The following UBASH3B variants were observed in gnomAD, a reference collection of about 807,000 sequenced individuals.
The protein encoded by UBASH3B is ubiquitin-associated and SH3 domain-containing protein B.
UBASH3B carries 37 observed loss-of-function variants against 83.4 expected under a neutral mutation model. The observed-to-expected ratio is 0.44, with a 90% CI of 0.34 to 0.58. The LOEUF (loss-of-function observed/expected upper bound fraction) is 0.58, where lower values mean the gene tolerates loss of function less well. UBASH3B is among the 20% of genes least tolerant of loss of function. The pLI, the probability that UBASH3B is intolerant of heterozygous loss-of-function variation, is 0.01. For missense variants in UBASH3B, 657 were observed against 827.2 expected, an observed-to-expected ratio of 0.79 and a Z score of 2.52; for synonymous variants, 304 against 318.3, an observed-to-expected ratio of 0.96 and a Z score of 0.48.
intron 13 of UBASH3B, among the ~76,000 whole-genome samples, chr11:122,808,570 C>T (rs1207545151): frequency 2.0e-5 from 3 of 152,160 alleles, no homozygotes; most frequent in Non-Finnish European, 2.9e-5. Flanking sequence ...TAGGCCGAGG[C>T]ATGCAGCAGT....
In UBASH3B at chr11:122,700,497, C is replaced by CTTTTTTTTTTT. The variant is rs10640825; in HGVS notation, c.161+44294_161+44304dup. Reference sequence around the variant, plus strand: ...CTCACTCTCATAGTTTACTTCTGATCTTTTTTTTTTTTTTTTTGAGATGGA... The same window carrying CTTTTTTTTTTT: ...CTCACTCTCATAGTTTACTTCTGATCTTTTTTTTTTTTTTTTTTTTTTTTTTTTGAGATGGA... On this transcript the variant is annotated intron_variant, in intron 1 of 13. Coordinates refer to ENST00000284273, the MANE Select transcript of UBASH3B (RefSeq NM_032873.5). Among the ~76,000 whole-genome samples the CTTTTTTTTTTT allele has an allele frequency of 4.2e-5, 5 of 118,804 alleles. 1 individual carries two copies. Among genetic ancestry groups the CTTTTTTTTTTT allele is most frequent in the Non-Finnish European group, 3.3e-5 (2 of 60,722 alleles). 77.9% of individuals were successfully genotyped at this position (118,804 alleles called of 152,430 possible).
chr11:122,779,491 T>C lies in UBASH3B; in HGVS notation c.403-6T>C, dbSNP rs772744038. ...CTGAGTGAAGACTGCCTGTTTTCCC[T>C]GCCAGTGCGAGGACAGCAAGGTGGA... On this transcript the variant is annotated splice_region_variant and splice_polypyrimidine_tract_variant and intron_variant, in intron 3 of 13. Coordinates refer to ENST00000284273, the MANE Select transcript of UBASH3B (RefSeq NM_032873.5). 3 of 1,613,616 alleles carry C rather than the reference T, an allele frequency of 1.9e-6. No individual in the cohort carries two copies. The highest frequency in any genetic ancestry group is 2.5e-6 in the Non-Finnish European group (3 of 1,179,890).
chr11:122,776,484 G>C (rs1478768126), intron 2 of UBASH3B, among the ~76,000 whole-genome samples: 2 of 152,142 alleles, frequency 1.3e-5, no homozygotes. Flanking sequence ...AAAATTCTAA[G>C]TAATTCCCAG....
At chr11:122,752,690 A>G (rs1861217824) in intron 1 of UBASH3B, among the ~76,000 whole-genome samples, 1 of 152,200 alleles carries the variant, frequency 6.6e-6, no homozygotes, top group Non-Finnish European at 1.5e-5. Context: ...GGAGGTATGC[A>G]TGATGGAATG....
chr11:122,796,868 C>T (rs2135175005), intron 8 of UBASH3B, 43 bp from the exon 9 acceptor site: 1 of 1,613,746 alleles, frequency 6.2e-7, no homozygotes, highest in East Asian at 2.2e-5. Context: ...CCCAAGTAAA[C>T]AAGAAATGTA....
intron 1 of UBASH3B, among the ~76,000 whole-genome samples, chr11:122,752,320 A>G (rs568539027): frequency 6.6e-6 from 1 of 152,234 alleles, no homozygotes; most frequent in African/African-American, 2.4e-5. Flanking sequence ...AAACAATCAG[A>G]AAAAAAGTCC....
Position 122,809,914 on chromosome 11 carries a change from C to A in UBASH3B, c.*28C>A. 2 of 1,610,030 alleles carry A rather than the reference C, an allele frequency of 1.2e-6. No homozygotes were observed. The highest frequency in any genetic ancestry group is 1.1e-5 in the South Asian group (1 of 90,374). On this transcript the variant is annotated 3_prime_UTR_variant, in exon 14 of 14. Coordinates refer to ENST00000284273, the MANE Select transcript of UBASH3B (RefSeq NM_032873.5). ...CACACCAGTGAACAAGAAGGAAAGGCCTTTTGGAGTGTGTCTTTCTGTGTG... is the reference window on the plus strand; with the variant it reads ...CACACCAGTGAACAAGAAGGAAAGGACTTTTGGAGTGTGTCTTTCTGTGTG...
intron 9 of UBASH3B, 171 bp downstream of exon 9, chr11:122,797,204 G>C (rs1861171819): frequency 1.1e-6 from 1 of 923,250 alleles, no homozygotes; most frequent in African/African-American, 1.7e-5. Flanking sequence ...ACTGTGCTCA[G>C]CCCTGGGTTG....
intron 1 of UBASH3B, chr11:122,774,385 C>T: frequency 1.1e-6 from 1 of 870,884 alleles, no homozygotes; most frequent in Non-Finnish European, 1.4e-6. Context: ...ACTTGTCTTT[C>T]TGTGGAGCAG....
At position 122,758,988 on chromosome 11, in the gene UBASH3B, T is replaced by C. The variant is rs1016018418; in HGVS notation, c.162-17231T>C. On this transcript the variant is annotated intron_variant, in intron 1 of 13. Transcript: ENST00000284273. The surrounding 1 kb of genome is among the most constrained non-coding windows in gnomAD (Gnocchi z 4.2). ...GACTCAGCACTCTAACTTTAGTGGC[T>C]TAAAACACACATTTTCCCAGTTTCT... 6.6e-6 allele frequency among the ~76,000 whole-genome samples: 1 copy of C among 152,224 alleles called. No homozygotes were observed. Among genetic ancestry groups the C allele is most frequent in the Admixed American group, 6.5e-5 (1 of 15,286 alleles).
chr11:122,808,622 G>A (rs1230341005), intron 13 of UBASH3B, among the ~76,000 whole-genome samples: 1 of 152,200 alleles, frequency 6.6e-6, no homozygotes, highest in Admixed American at 6.5e-5. Context: ...GAACAAGACA[G>A]CAAGACAGAA....
At chr11:122,684,748 C>G (rs1863787354) in intron 1 of UBASH3B, among the ~76,000 whole-genome samples, 2 of 152,152 alleles carry the variant, frequency 1.3e-5, no homozygotes, top group African/African-American at 4.8e-5. Context: ...CAGGCATGCA[C>G]CACCACGCCC....
chr11:122,689,500 T>A (rs1863856131), intron 1 of UBASH3B, among the ~76,000 whole-genome samples: 1 of 152,178 alleles, frequency 6.6e-6, no homozygotes, highest in Non-Finnish European at 1.5e-5. Context: ...CAGAAAACTC[T>A]CAAACTGGGT....
intron 11 of UBASH3B, among the ~76,000 whole-genome samples, chr11:122,805,743 A>C (rs964749719): frequency 6.6e-6 from 1 of 152,284 alleles, no homozygotes; most frequent in East Asian, 1.9e-4. Context: ...GGGCACAGCC[A>C]GGCCCCCAGG....
At chr11:122,809,631 C>A in intron 13 of UBASH3B, 118 bp from the exon 14 acceptor site, 1 of 1,025,446 alleles carries the variant, frequency 9.8e-7, no homozygotes, top group Non-Finnish European at 1.4e-6. Context: ...TCTACAAAGC[C>A]ACTATCCATT....
At chr11:122,783,672 G>GTGTACC (rs1555146437) in intron 5 of UBASH3B, among the ~76,000 whole-genome samples, 86 of 151,510 alleles carry the variant, frequency 5.7e-4, no homozygotes, top group Non-Finnish European at 8.9e-4. Context: ...GATATTTGCT[G>GTGTACC]TGTATCTGTA....
chr11:122,680,422 G>A (rs1297476283), intron 1 of UBASH3B, among the ~76,000 whole-genome samples: 2 of 152,196 alleles, frequency 1.3e-5, no homozygotes. Flanking sequence ...TTACTGGTTA[G>A]GACTTCAATG....
In UBASH3B at chr11:122,796,281, G is replaced by C. The variant is rs1565569657; in HGVS notation, c.1234+5G>C. 2 of 1,613,992 alleles carry C rather than the reference G, an allele frequency of 1.2e-6. No homozygotes were observed. The highest frequency in any genetic ancestry group is 1.7e-6 in the Non-Finnish European group (2 of 1,179,908). ...CCCAGTGCTTCGATGCCAAAGGTGAGTTGGTGGTGGGCCTGCTCAGCACTG... is the reference window on the plus strand; with the variant it reads ...CCCAGTGCTTCGATGCCAAAGGTGACTTGGTGGTGGGCCTGCTCAGCACTG... On this transcript the variant is annotated splice_donor_5th_base_variant and intron_variant, in intron 8 of 13. Coordinates refer to ENST00000284273, the MANE Select transcript of UBASH3B (RefSeq NM_032873.5).
In UBASH3B at chr11:122,789,141, T is replaced by C. The variant is rs1861007058; in HGVS notation, c.813T>C (p.Asp271=). The C allele has an allele frequency of 1.2e-6, 2 of 1,613,970 alleles. No homozygotes were observed. The highest frequency in any genetic ancestry group is 2.7e-5 in the African/African-American group (2 of 75,036). The change falls in exon 6 of 14, where the codon GAT becomes GAC. Residue 271 remains aspartate (D), a synonymous_variant. Coordinates refer to ENST00000284273, the MANE Select transcript of UBASH3B (RefSeq NM_032873.5). ...ACCCCTATACCCCACAAAATGACGATGAGCTGGAGCTGGTCCCCGGGGACT... is the reference window on the plus strand; with the variant it reads ...ACCCCTATACCCCACAAAATGACGACGAGCTGGAGCTGGTCCCCGGGGACT... ...VIYPYTPQND[D]ELELVPGDFI... is the part of the protein sequence containing the mutation.
Sources: gnomAD v4.1 joint callset for allele counts (sites outside exome capture counted in the v4.1 genomes callset) on GRCh38, gnomAD v4.1.1 for gene constraint, Gnocchi (gnomAD v3.1) non-coding constraint, MANE v1.5 for transcripts, NCBI Gene and HGNC (gene_info 2026-07-23, HGNC 2026-07-21) for gene names.